GRID2: variants seen among roughly 807,000 people sequenced by gnomAD.
GRID2 encodes the protein glutamate receptor ionotropic, delta-2.
A neutral mutation model predicts 114.8 loss-of-function variants in GRID2; 33 were observed. That is an observed-to-expected ratio of 0.29 (90% confidence interval 0.22 to 0.38). The LOEUF is 0.38. GRID2 is among the 10% of genes least tolerant of loss of function. The pLI, the probability that GRID2 is intolerant of heterozygous loss-of-function variation, is 1.00. For missense variants in GRID2, 1,184 were observed against 1,257.7 expected, an observed-to-expected ratio of 0.94 and a Z score of 0.89; for synonymous variants, 505 against 449.9, an observed-to-expected ratio of 1.12 and a Z score of -1.55.
At chr4:92,784,672 GTCTTAT>G (rs1286077481) in intron 2 of GRID2, among the ~76,000 whole-genome samples, 2 of 151,986 alleles carry the variant, frequency 1.3e-5, no homozygotes, top group East Asian at 3.9e-4. Flanking sequence ...TTTGCTGACA[GTCTTAT>G]AGTACTTAGA....
At chr4:93,250,492 A>T (rs1464488930) in intron 8 of GRID2, among the ~76,000 whole-genome samples, 1 of 151,430 alleles carries the variant, frequency 6.6e-6, no homozygotes, top group Non-Finnish European at 1.5e-5. Context: ...CTTAAAGCAT[A>T]AAAAAAATAA....
At chr4:93,763,497 A>G (rs1733383530) in intron 14 of GRID2, among the ~76,000 whole-genome samples, 1 of 152,196 alleles carries the variant, frequency 6.6e-6, no homozygotes, top group Non-Finnish European at 1.5e-5. Context: ...GAGGAAACAT[A>G]TTGATGAGAC....
intron 2 of GRID2, among the ~76,000 whole-genome samples, chr4:92,677,888 A>G (rs1315324684): frequency 6.6e-6 from 1 of 152,082 alleles, no homozygotes; most frequent in African/African-American, 2.4e-5. Flanking sequence ...AAGTTATGTT[A>G]CGTAAATCAG....
chr4:93,687,146 A>T (rs1726146906), intron 14 of GRID2, among the ~76,000 whole-genome samples: 1 of 152,012 alleles, frequency 6.6e-6, no homozygotes, highest in Admixed American at 6.6e-5. Flanking sequence ...TTGGAAGTGG[A>T]ATCTGAGAGA....
intron 2 of GRID2, among the ~76,000 whole-genome samples, chr4:92,719,092 TTCTCCTGTC>T (rs1453683096): frequency 6.6e-6 from 1 of 152,036 alleles, no homozygotes; most frequent in Non-Finnish European, 1.5e-5. Flanking sequence ...GTTCAAACTA[TTCTCCTGTC>T]TCAGCCACCC....
intron 1 of GRID2, among the ~76,000 whole-genome samples, chr4:92,535,178 G>T (rs1725550815): frequency 6.6e-6 from 1 of 151,948 alleles, no homozygotes. Context: ...AATTATTCTG[G>T]TACACTCAGA....
intron 12 of GRID2, among the ~76,000 whole-genome samples, chr4:93,506,291 A>G (rs2149480125): frequency 6.6e-6 from 1 of 152,294 alleles, no homozygotes; most frequent in East Asian, 1.9e-4. Flanking sequence ...CTGTCAGGGT[A>G]GACTTCAGGG....
chr4:92,509,333 C>T (rs948720195), intron 1 of GRID2, among the ~76,000 whole-genome samples: 1 of 151,904 alleles, frequency 6.6e-6, no homozygotes, highest in African/African-American at 2.4e-5. Context: ...CAGTGCTTAG[C>T]AGAAGTAGAC....
intron 13 of GRID2, among the ~76,000 whole-genome samples, chr4:93,548,638 A>G (rs1733464436): frequency 6.6e-6 from 1 of 152,214 alleles, no homozygotes; most frequent in Admixed American, 6.5e-5. Flanking sequence ...AAGAGTCTGT[A>G]CACTTATATA....
At chr4:92,488,198 C>A (rs1722987165) in intron 1 of GRID2, among the ~76,000 whole-genome samples, 1 of 152,092 alleles carries the variant, frequency 6.6e-6, no homozygotes, top group Admixed American at 6.6e-5. Flanking sequence ...TGGTTAAATT[C>A]TTACATTCAT....
intron 2 of GRID2, among the ~76,000 whole-genome samples, chr4:92,820,618 T>C (rs1290102014): frequency 1.3e-5 from 2 of 152,096 alleles, no homozygotes; most frequent in Non-Finnish European, 2.9e-5. Flanking sequence ...AATGTCAGAA[T>C]CCTATAAATA....
intron 2 of GRID2, among the ~76,000 whole-genome samples, chr4:92,763,275 G>A (rs143495477): frequency 6.6e-6 from 1 of 152,174 alleles, no homozygotes; most frequent in Non-Finnish European, 1.5e-5. Flanking sequence ...GAAAAACTAT[G>A]CACAAAGCCC....
At chr4:92,683,323 G>A (rs1204838266) in intron 2 of GRID2, among the ~76,000 whole-genome samples, 1 of 152,076 alleles carries the variant, frequency 6.6e-6, no homozygotes, top group South Asian at 2.1e-4. Context: ...GTAGTTAATA[G>A]TATAAATTTT....
intron 14 of GRID2, among the ~76,000 whole-genome samples, chr4:93,635,995 A>G (rs557260001): frequency 7.0e-4 from 107 of 152,310 alleles, no homozygotes; most frequent in African/African-American, 2.5e-3. Flanking sequence ...CAGCAACCCC[A>G]TGGGGTAGAT....
At chr4:93,302,925 T>G (rs1290536473) in intron 8 of GRID2, among the ~76,000 whole-genome samples, 4 of 152,208 alleles carry the variant, frequency 2.6e-5, no homozygotes, top group Non-Finnish European at 4.4e-5. Flanking sequence ...CATTGCTGTA[T>G]AAACAACTAC....
intron 2 of GRID2, among the ~76,000 whole-genome samples, chr4:92,915,780 T>G (rs564179547): frequency 1.3e-5 from 2 of 152,324 alleles, no homozygotes; most frequent in South Asian, 4.1e-4. Flanking sequence ...AGATGGTATC[T>G]CATTCTGGTT....
intron 4 of GRID2, among the ~76,000 whole-genome samples, chr4:93,136,577 CTGACCAGTCT>C (rs1171698036): frequency 1.3e-5 from 2 of 152,082 alleles, no homozygotes; most frequent in Non-Finnish European, 2.9e-5. Flanking sequence ...AGTGTAAATA[CTGACCAGTCT>C]TGTTTATTAT....
At chr4:92,654,604 T>C (rs906142125) in intron 2 of GRID2, among the ~76,000 whole-genome samples, 1 of 152,062 alleles carries the variant, frequency 6.6e-6, no homozygotes, top group Non-Finnish European at 1.5e-5. Context: ...ATAGCTATTC[T>C]GACTTGGGTG....
intron 2 of GRID2, among the ~76,000 whole-genome samples, chr4:93,009,352 A>C (rs1232842622): frequency 2.6e-5 from 4 of 152,226 alleles, no homozygotes; most frequent in South Asian, 2.1e-4. Context: ...GGAGTGAAAA[A>C]TAATCAGGGT....
Sources: allele counts gnomAD v4.1 joint callset (sites outside exome capture counted in the v4.1 genomes callset), GRCh38; gene constraint gnomAD v4.1.1; transcripts MANE v1.5; gene names NCBI Gene and HGNC (gene_info 2026-07-23, HGNC 2026-07-21).